MRPS9: variants seen among roughly 807,000 people sequenced by gnomAD.
The protein encoded by MRPS9 is mitochondrial ribosomal protein S9, also known as small ribosomal subunit protein uS9m.
A neutral mutation model predicts 59.9 loss-of-function variants in MRPS9; 45 were observed. The observed-to-expected ratio is 0.75, with a 90% confidence interval of 0.59 to 0.96. The LOEUF (loss-of-function observed/expected upper bound fraction) is 0.96, where lower values mean the gene tolerates loss of function less well. MRPS9 is among the 40% of genes least tolerant of loss of function. MRPS9 has a pLI of 0.00. For missense variants in MRPS9, 473 were observed against 481.1 expected (o/e 0.98, Z 0.16); for synonymous variants, 171 against 166.8 (o/e 1.03, Z -0.19).
chr2:105,083,534 A>C (rs1680388629), intron 5 of MRPS9, among the ~76,000 whole-genome samples: 1 of 152,248 alleles, frequency 6.6e-6, no homozygotes, highest in South Asian at 2.1e-4. Flanking sequence ...TCACTAACTA[A>C]AAGTAAGTTG....
chr2:105,060,486 GGTGAGGCTGGTCTTGAAC>G (rs1446407800), intron 2 of MRPS9, among the ~76,000 whole-genome samples: 1 of 151,988 alleles, frequency 6.6e-6, no homozygotes, highest in Non-Finnish European at 1.5e-5. Flanking sequence ...TTACCATGTT[GGTGAGGCTGGTCTTGAAC>G]ACTTGACCTC....
intron 2 of MRPS9, among the ~76,000 whole-genome samples, chr2:105,069,609 TGTGA>T (rs766628207): frequency 3.2e-4 from 49 of 152,374 alleles, no homozygotes; most frequent in Non-Finnish European, 5.9e-4. Flanking sequence ...TCATGTCATA[TGTGA>T]GTATTTGTTT....
chr2:105,075,130 C>T (rs1216378382), intron 4 of MRPS9, among the ~76,000 whole-genome samples: 2 of 152,134 alleles, frequency 1.3e-5, no homozygotes, highest in Admixed American at 1.3e-4. Flanking sequence ...GTGCTGTTCA[C>T]AATAGGGTTC....
chr2:105,050,005 A>T (rs1050176821), intron 2 of MRPS9, among the ~76,000 whole-genome samples: 1 of 152,160 alleles, frequency 6.6e-6, no homozygotes, highest in African/African-American at 2.4e-5. Context: ...TACGATTTTA[A>T]TATTATTTTT....
In MRPS9 at chr2:105,070,232, A is replaced by G. The variant is rs191747408; in HGVS notation, c.316-1081A>G. Among the ~76,000 whole-genome samples the G allele has an allele frequency of 3.3e-3, 496 of 152,234 alleles. 3 individuals carry two copies. Among genetic ancestry groups the G allele is most frequent in the African/African-American group, 0.011 (470 of 41,544 alleles). Reference sequence around the variant, plus strand: ...TCATCCTCCCACATCAGCCTCCCACAGTACTGGGATTACCAGCATGAGCCA... The same window carrying G: ...TCATCCTCCCACATCAGCCTCCCACGGTACTGGGATTACCAGCATGAGCCA... On this transcript the variant is annotated intron_variant, in intron 2 of 10. Transcript: ENST00000258455.
intron 1 of MRPS9, 128 bp from the exon 2 acceptor site, chr2:105,049,043 C>A: frequency 1.6e-6 from 1 of 637,944 alleles, no homozygotes; most frequent in Non-Finnish European, 2.6e-6. Flanking sequence ...GCTTTTTGGA[C>A]TCCTGTCACT....
intron 1 of MRPS9, among the ~76,000 whole-genome samples, chr2:105,048,379 C>T (rs1053861233): frequency 8.6e-5 from 13 of 151,650 alleles, no homozygotes; most frequent in Non-Finnish European, 1.5e-4. Flanking sequence ...AGAGGGATAG[C>T]GTTAGGAGAT....
At chr2:105,064,895 A>G (rs1357653637) in intron 2 of MRPS9, among the ~76,000 whole-genome samples, 1 of 152,258 alleles carries the variant, frequency 6.6e-6, no homozygotes, top group Non-Finnish European at 1.5e-5. Context: ...GATGCAAAGT[A>G]TCACTGAAAA....
intron 7 of MRPS9, chr2:105,091,228 G>T: frequency 4.3e-6 from 2 of 467,598 alleles, no homozygotes; most frequent in South Asian, 3.1e-5. Flanking sequence ...AATGTTTATG[G>T]CTGGTATCAA....
chr2:105,091,070 G>C (rs1680548051), intron 7 of MRPS9, among the ~76,000 whole-genome samples: 1 of 151,970 alleles, frequency 6.6e-6, no homozygotes, highest in Non-Finnish European at 1.5e-5. Context: ...GTTTCTGGCT[G>C]CTTTGATTTT....
intron 5 of MRPS9, among the ~76,000 whole-genome samples, chr2:105,084,285 A>G (rs1466539410): frequency 3.6e-5 from 5 of 140,122 alleles, no homozygotes; most frequent in Non-Finnish European, 6.2e-5. Context: ...ATGAAGGGAT[A>G]AGTAGTAAAG....
chr2:105,077,796 CAGTT>C (rs1680245067), intron 4 of MRPS9, among the ~76,000 whole-genome samples: 1 of 152,116 alleles, frequency 6.6e-6, no homozygotes, highest in Non-Finnish European at 1.5e-5. Flanking sequence ...TATGATAACT[CAGTT>C]AAAGATCAGA....
intron 2 of MRPS9, among the ~76,000 whole-genome samples, chr2:105,061,440 C>T (rs1255236080): frequency 1.3e-5 from 2 of 152,140 alleles, no homozygotes; most frequent in East Asian, 3.9e-4. Context: ...GGGTGAGCTT[C>T]CTCATACCTG....
chr2:105,043,008 T>A (rs1428767264), intron 1 of MRPS9, among the ~76,000 whole-genome samples: 1 of 152,168 alleles, frequency 6.6e-6, no homozygotes, highest in Non-Finnish European at 1.5e-5. Flanking sequence ...TTCTGTTATT[T>A]TACTTATAGG....
chr2:105,056,618 A>G (rs1679795347), intron 2 of MRPS9, among the ~76,000 whole-genome samples: 1 of 152,222 alleles, frequency 6.6e-6, no homozygotes, highest in Non-Finnish European at 1.5e-5. Flanking sequence ...AGTAAAATTC[A>G]TGAATTTATG....
chr2:105,062,812 A>G (rs1174761341), intron 2 of MRPS9, among the ~76,000 whole-genome samples: 6 of 152,350 alleles, frequency 3.9e-5, no homozygotes. Context: ...ACTGGCTGTC[A>G]TTTTGAACAG....
At chr2:105,069,144 G>A (rs1276726505) in intron 2 of MRPS9, among the ~76,000 whole-genome samples, 1 of 151,160 alleles carries the variant, frequency 6.6e-6, no homozygotes, top group African/African-American at 2.4e-5. Flanking sequence ...TGTTCTCTCA[G>A]TAGTTTTAAT....
At chr2:105,087,430 A>C (rs144467701) in intron 5 of MRPS9, among the ~76,000 whole-genome samples, 2,737 of 152,262 alleles carry the variant, frequency 0.018, 42 homozygotes, top group Admixed American at 0.042. Flanking sequence ...GCTGCTGCTG[A>C]TGATGATCTA....
intron 5 of MRPS9, among the ~76,000 whole-genome samples, chr2:105,082,330 A>G (rs1244836874): frequency 6.6e-6 from 1 of 152,200 alleles, no homozygotes; most frequent in Non-Finnish European, 1.5e-5. Context: ...TACGAGGCCC[A>G]GATGCCATTG....
Sources: allele counts gnomAD v4.1 joint callset (sites outside exome capture counted in the v4.1 genomes callset), GRCh38; gene constraint gnomAD v4.1.1; transcripts MANE v1.5; gene names NCBI Gene and HGNC (gene_info 2026-07-23, HGNC 2026-07-21).